The following PALM2AKAP2 variants were observed in gnomAD, a reference collection of about 807,000 sequenced individuals.
The protein encoded by PALM2AKAP2 is PALM2 and AKAP2 fusion.
PALM2AKAP2 carries 37 observed loss-of-function variants against 71.5 expected under a neutral mutation model. The observed-to-expected ratio is 0.52, with a 90% CI of 0.40 to 0.68. The LOEUF (loss-of-function observed/expected upper bound fraction) is 0.68. PALM2AKAP2 is among the 30% of genes least tolerant of loss of function. PALM2AKAP2 has a pLI of 0.00. For synonymous variants in PALM2AKAP2, 468 were observed against 478.8 expected (o/e 0.98, Z 0.29); for missense variants, 1,224 against 1,191.8 (o/e 1.03, Z -0.40).
chr9:110,156,367 C>A, exon 3 of PALM2AKAP2: 2 of 1,610,492 alleles, frequency 1.2e-6, no homozygotes, highest in African/African-American at 2.7e-5. Flanking sequence ...ACTGAAGGCC[C>A]CAGCTTGCAG....
intron 1 of PALM2AKAP2, among the ~76,000 whole-genome samples, chr9:109,685,013 T>TA (rs1328867720): frequency 6.6e-6 from 1 of 152,190 alleles, no homozygotes; most frequent in Non-Finnish European, 1.5e-5. Context: ...GAATGAATCT[T>TA]AAAGGATTAT....
rs1223423069 is a variant in PALM2AKAP2, at chr9:109,818,482, T to C, written c.45+37949T>C. Among the ~76,000 whole-genome samples the C allele has an allele frequency of 1.2e-4, 19 of 152,228 alleles. 1 individual carries two copies. Among genetic ancestry groups the C allele is most frequent in the Admixed American group, 1.2e-3 (18 of 15,288 alleles). On this transcript the variant is annotated intron_variant, in intron 1 of 9. Coordinates refer to the PALM2AKAP2 transcript ENST00000302798. ...GGTGATTACAAAGGTGTTTGCCTTA[T>C]AAAAATTCATTTAGCTAAACATTGG...
At chr9:109,957,387 C>T (rs549602132) in intron 6 of PALM2AKAP2, among the ~76,000 whole-genome samples, 2 of 152,290 alleles carry the variant, frequency 1.3e-5, no homozygotes, top group East Asian at 3.9e-4. Flanking sequence ...GCCTCCTGGG[C>T]GTTAGCAAGC....
intron 1 of PALM2AKAP2, among the ~76,000 whole-genome samples, chr9:109,657,585 A>G (rs1827325374): frequency 6.6e-6 from 1 of 152,072 alleles, no homozygotes; most frequent in Non-Finnish European, 1.5e-5. Flanking sequence ...CAGAAAGAAC[A>G]TACCCATACT....
intron 6 of PALM2AKAP2, chr9:109,943,230 TGAG>T: frequency 1.2e-6 from 2 of 1,613,548 alleles, no homozygotes; most frequent in Non-Finnish European, 1.7e-6. Flanking sequence ...ATGAAGATGA[TGAG>T]AAGTCATTGA....
intron 1 of PALM2AKAP2, among the ~76,000 whole-genome samples, chr9:110,069,898 A>G (rs575858711): frequency 6.6e-6 from 1 of 152,256 alleles, no homozygotes; most frequent in Non-Finnish European, 1.5e-5. Context: ...CTTCGGTTAA[A>G]TCATAATCAG....
At chr9:109,835,448 G>T (rs1005707760) in intron 1 of PALM2AKAP2, among the ~76,000 whole-genome samples, 2 of 152,066 alleles carry the variant, frequency 1.3e-5, no homozygotes, top group Non-Finnish European at 2.9e-5. Context: ...AGCTCCCAGC[G>T]TGAGCAACAC....
At chr9:109,687,762 A>G (rs972336125) in intron 1 of PALM2AKAP2, among the ~76,000 whole-genome samples, 2 of 152,358 alleles carry the variant, frequency 1.3e-5, no homozygotes, top group African/African-American at 4.8e-5. Flanking sequence ...TGTTTGGCAC[A>G]AGAGGCCTAG....
intron 1 of PALM2AKAP2, among the ~76,000 whole-genome samples, chr9:109,735,740 T>C (rs546801067): frequency 6.6e-6 from 1 of 152,186 alleles, no homozygotes; most frequent in Admixed American, 6.5e-5. Context: ...TCCCTTGGGA[T>C]GTTTGTTAGT....
At chr9:109,940,822 A>G (rs1646087705) in intron 6 of PALM2AKAP2, among the ~76,000 whole-genome samples, 1 of 152,214 alleles carries the variant, frequency 6.6e-6, no homozygotes, top group Non-Finnish European at 1.5e-5. Flanking sequence ...TTGCAGACAC[A>G]TCCTGAAGGG....
chr9:110,138,082 C>A (rs758590924), exon 2 of PALM2AKAP2: 3 of 1,608,436 alleles, frequency 1.9e-6, no homozygotes, highest in South Asian at 2.2e-5. Flanking sequence ...CTGCGGCTTT[C>A]GGCTCAGAAA....
At chr9:109,656,229 C>T (rs981910872) in intron 1 of PALM2AKAP2, among the ~76,000 whole-genome samples, 2 of 151,894 alleles carry the variant, frequency 1.3e-5, no homozygotes, top group African/African-American at 4.8e-5. Flanking sequence ...CTAGAAAGGG[C>T]GCCATGGTGG....
chr9:110,086,594 G>A (rs534765469), intron 1 of PALM2AKAP2, among the ~76,000 whole-genome samples: 1 of 152,158 alleles, frequency 6.6e-6, no homozygotes, highest in East Asian at 1.9e-4. Context: ...CCATAGGTGC[G>A]TGTGTGTACA....
At chr9:109,824,599 C>T (rs988420365) in intron 1 of PALM2AKAP2, among the ~76,000 whole-genome samples, 3 of 152,320 alleles carry the variant, frequency 2.0e-5, no homozygotes, top group Non-Finnish European at 4.4e-5. Context: ...CTGTAATATT[C>T]CCTACAGATG....
At chr9:110,136,527 C>A (rs147894013) in exon 2 of PALM2AKAP2, 3 of 1,613,458 alleles carry the variant, frequency 1.9e-6, no homozygotes, top group Non-Finnish European at 2.5e-6. Flanking sequence ...GTCCACGAGG[C>A]GACCCAGCCA....
At chr9:109,878,031 C>T (rs9409096) in intron 2 of PALM2AKAP2, among the ~76,000 whole-genome samples, 53,496 of 151,974 alleles carry the variant, frequency 0.35, 10,112 homozygotes, top group Non-Finnish European at 0.43. Context: ...CAGGGTCTGT[C>T]GGGGAAATTT....
chr9:109,845,175 C>A (rs1004412868), intron 1 of PALM2AKAP2, among the ~76,000 whole-genome samples: 3 of 152,188 alleles, frequency 2.0e-5, no homozygotes, highest in African/African-American at 7.2e-5. Flanking sequence ...AGGCACTGAC[C>A]TGAAAGGGAA....
At chr9:110,172,140 C>T (rs1040781289) in exon 4 of PALM2AKAP2, 1 of 151,788 alleles carries the variant, frequency 6.6e-6, no homozygotes, top group Admixed American at 6.6e-5. Context: ...CTTTTTTTTC[C>T]CAACTAAAGA....
chr9:109,903,480 C>T (rs1205645933), intron 3 of PALM2AKAP2, among the ~76,000 whole-genome samples: 1 of 152,172 alleles, frequency 6.6e-6, no homozygotes, highest in Non-Finnish European at 1.5e-5. Context: ...ACCTTCCCAA[C>T]CACTTTTTCT....
Sources: gnomAD v4.1 joint callset for allele counts (sites outside exome capture counted in the v4.1 genomes callset) on GRCh38, gnomAD v4.1.1 for gene constraint, MANE v1.5 for transcripts, NCBI Gene and HGNC (gene_info 2026-07-23, HGNC 2026-07-21) for gene names.